The following POLM variants were observed in gnomAD, a reference collection of about 807,000 sequenced individuals.
POLM encodes the protein DNA polymerase mu, also known as DNA-directed DNA/RNA polymerase mu.
In POLM, 52 loss-of-function variants were observed where a neutral mutation model predicts 56.7. The observed-to-expected ratio is 0.92, with a 90% CI of 0.73 to 1.15. POLM has a LOEUF of 1.15. Ranked by LOEUF, POLM falls within the 50% of genes most tolerant of loss-of-function variation. The pLI, the probability that POLM is intolerant of heterozygous loss-of-function variation, is 0.00. For synonymous variants in POLM, 273 were observed against 274.3 expected (o/e 1.00, Z 0.05); for missense variants, 660 against 663.6 (o/e 0.99, Z 0.06).
chr7:44,074,861 CAA>C (rs2096179548), intron 6 of POLM, among the ~76,000 whole-genome samples: 1 of 152,222 alleles, frequency 6.6e-6, no homozygotes, highest in Non-Finnish European at 1.5e-5. Flanking sequence ...ATTTTGCAAC[CAA>C]ATATAAGGAT....
intron 6 of POLM, chr7:44,076,228 C>A: frequency 2.7e-6 from 1 of 367,936 alleles, no homozygotes; most frequent in Non-Finnish European, 5.1e-6. Flanking sequence ...GGGCAGTGTG[C>A]CCAAGGCCCA....
At chr7:44,079,372 C>T (rs2096192863) in intron 4 of POLM, among the ~76,000 whole-genome samples, 199 bp downstream of exon 4, 1 of 152,184 alleles carries the variant, frequency 6.6e-6, no homozygotes, top group Non-Finnish European at 1.5e-5. Context: ...TCACTGGGTC[C>T]TCTAGGCCAC....
chr7:44,081,664 C>T (rs1017541009), intron 1 of POLM, among the ~76,000 whole-genome samples: 1 of 151,716 alleles, frequency 6.6e-6, no homozygotes, highest in Non-Finnish European at 1.5e-5. Flanking sequence ...GAGGAGCCTG[C>T]GGGCTCCGGG....
At position 44,080,878 on chromosome 7, in the gene POLM, G is replaced by T; in HGVS notation, c.227C>A (p.Ala76Glu). 6.3e-7 allele frequency: 1 copy of T among 1,598,280 alleles called. No individual in the cohort carries two copies. Among genetic ancestry groups the T allele is most frequent in the South Asian group, 1.1e-5 (1 of 88,620 alleles). ...CTCCTGCCAGCTGACGGCCTCCTCT[G>T]CTGAGGTCTCTTCCATCACAACATG... is the stretch of plus-strand genomic sequence containing the variant. ...ATHVVMEETSAEEAVSWQERR... is the reference protein window; with the variant it reads ...ATHVVMEETSEEEAVSWQERR... The change falls in exon 2 of 11, where the codon GCA (alanine) becomes GAA (glutamate). Residue 76 changes from alanine (A) to glutamate (E), a missense_variant. Physicochemically the swap from Ala to Glu is moderately radical, Grantham distance 107. Coordinates refer to ENST00000242248, the MANE Select transcript of POLM (RefSeq NM_013284.4).
intron 6 of POLM, 40 bp from the exon 7 acceptor site, chr7:44,074,570 C>A (rs1466001793): frequency 1.3e-6 from 2 of 1,509,230 alleles, no homozygotes; most frequent in African/African-American, 1.4e-5. Context: ...CCCAGCCTGC[C>A]CACCACACCG....
chr7:44,080,453 CTTGG>C, intron 2 of POLM: 1 of 624,384 alleles, frequency 1.6e-6, no homozygotes, highest in Non-Finnish European at 3.0e-6. Flanking sequence ...GTGTCATCTA[CTTGG>C]TGAGGAAGAA....
chr7:44,078,672 G>A lies in POLM; in HGVS notation c.714+68C>T, dbSNP rs749121521. ...GCCCCTGTTTGCCTCCCCGTGCATG[G>A]TGTGGACTGTGTTGTCATTCCCAGG... On this transcript the variant is annotated intron_variant, in intron 5 of 10. Coordinates refer to ENST00000242248, the MANE Select transcript of POLM (RefSeq NM_013284.4). 5 of 1,414,332 alleles carry A rather than the reference G, an allele frequency of 3.5e-6. No individual in the cohort carries two copies. The East Asian group carries it at 9.1e-5, about 26-fold the overall frequency. 87.6% of individuals were successfully genotyped at this position (1,414,332 alleles called of 1,614,324 possible). A position where few individuals can be genotyped will look rare whatever the true frequency, so the allele number is the denominator to read the frequency against.
At position 44,082,381 on chromosome 7, in the gene POLM, AGGAAGCGGCATCGCCGCTAGG is replaced by A; in HGVS notation, c.37_57del (p.Pro13_Ser19del). 6.5e-7 allele frequency: 1 copy of A among 1,532,406 alleles called. No homozygotes were observed. The allele number at this position is 1,532,406 out of a possible 1,614,324, so 94.9% of individuals were successfully genotyped here. On this transcript the variant is annotated inframe_deletion, in exon 1 of 11. Coordinates refer to ENST00000242248, the MANE Select transcript of POLM (RefSeq NM_013284.4). ...GGGAAGCGCGTCGAGGGCGGCGTGG[AGGAAGCGGCATCGCCGCTAGG>A]GGACCCGACCCGCGCTCGCCGCCGT...
Position 44,082,444 on chromosome 7 carries a change from C to G in POLM, c.-6G>C, listed in dbSNP as rs749656836. 7.1e-7 allele frequency: 1 copy of G among 1,415,652 alleles called. No homozygotes were observed. Among genetic ancestry groups the G allele is most frequent in the African/African-American group, 1.5e-5 (1 of 66,208 alleles). The allele number at this position is 1,415,652 out of a possible 1,614,324, so 87.7% of individuals were successfully genotyped here. ...CGCCGCCGTTTGGGGAGCATTGGGA[C>G]GACAGCCTCCAGCAGCGCGGAGCGA... is the stretch of plus-strand genomic sequence containing the variant. On this transcript the variant is annotated 5_prime_UTR_variant, in exon 1 of 11. Coordinates refer to ENST00000242248, the MANE Select transcript of POLM (RefSeq NM_013284.4).
At chr7:44,073,575 G>C (rs560232591) in intron 10 of POLM, 50 bp downstream of exon 10, 2 of 1,609,118 alleles carry the variant, frequency 1.2e-6, no homozygotes, top group African/African-American at 2.7e-5. Flanking sequence ...TTGTGGGTCA[G>C]GGAGCGGACT....
intron 10 of POLM, 57 bp downstream of exon 10, chr7:44,073,568 T>C (rs2096174383): frequency 1.2e-6 from 2 of 1,607,220 alleles, no homozygotes. Context: ...TTTCAGATTG[T>C]GGGTCAGGGA....
intron 7 of POLM, 46 bp from the exon 8 acceptor site, chr7:44,074,279 CT>C: frequency 6.5e-7 from 1 of 1,545,408 alleles, no homozygotes; most frequent in Non-Finnish European, 8.8e-7. Flanking sequence ...GGCCTGCTCA[CT>C]CCAGCCCCAG....
At position 44,082,303 on chromosome 7, in the gene POLM, A is replaced by G; in HGVS notation, c.136T>C (p.Phe46Leu). Residue 46 changes from phenylalanine (F) to leucine (L), a missense_variant, in exon 1 of 11, where the codon TTC becomes CTC. By Grantham distance (22) the Phe-to-Leu change is conservative. Coordinates refer to ENST00000242248, the MANE Select transcript of POLM (RefSeq NM_013284.4). Reference protein sequence around the residue: ...EPRMGRSRRAFLTGLARSKGF... With the variant: ...EPRMGRSRRALLTGLARSKGF... The stretch of plus-strand genomic sequence containing the variant: ...TTGGAGCGCGCCAGGCCTGTGAGGA[A>G]GGCCCGGCGGCTGCGACCCATGCGA... 1 of 1,554,398 alleles carries G rather than the reference A, an allele frequency of 6.4e-7. No homozygotes were observed. The highest frequency in any genetic ancestry group is 8.6e-7 in the Non-Finnish European group (1 of 1,157,400).
intron 2 of POLM, chr7:44,080,273 T>C (rs1010674481): frequency 5.7e-6 from 3 of 528,206 alleles, no homozygotes; most frequent in Admixed American, 5.1e-5. Context: ...CTGGGGATGC[T>C]GAGGCCTTGG....
chr7:44,076,224 T>C, intron 6 of POLM: 1 of 356,140 alleles, frequency 2.8e-6, no homozygotes, highest in Non-Finnish European at 5.3e-6. Flanking sequence ...CACTGGGCAG[T>C]GTGCCCAAGG....
In POLM at chr7:44,073,384, C is replaced by T. The variant is rs774037721; in HGVS notation, c.1399-7G>A. On this transcript the variant is annotated splice_region_variant and splice_polypyrimidine_tract_variant and intron_variant, in intron 10 of 10. Transcript: ENST00000242248. ...CCGCTTGGAAAAATGTCTTCTGCAA[C>T]AGAAGCAGGACTTCCGTGACCTAGG... The T allele has an allele frequency of 6.2e-7, 1 of 1,613,310 alleles. No individual in the cohort carries two copies. Among genetic ancestry groups the T allele is most frequent in the Non-Finnish European group, 8.5e-7 (1 of 1,179,746 alleles).
In POLM at chr7:44,074,383, G is replaced by A. The variant is rs371084765; in HGVS notation, c.968+15C>T. ...GTCTGAAGCCAAGCCAGAGGGGCAC[G>A]TCGGGCCTTCTTACCTGCGGAAGCC... On this transcript the variant is annotated intron_variant, in intron 7 of 10. Coordinates refer to ENST00000242248, the MANE Select transcript of POLM (RefSeq NM_013284.4). The A allele has an allele frequency of 2.3e-4, 350 of 1,552,756 alleles. No individual in the cohort carries two copies. Among genetic ancestry groups the A allele is most frequent in the Middle Eastern group, 1.0e-3 (6 of 5,776 alleles).
intron 9 of POLM, 26 bp from the exon 10 acceptor site, chr7:44,073,734 A>G (rs752600644): frequency 6.2e-7 from 1 of 1,614,102 alleles, no homozygotes; most frequent in South Asian, 1.1e-5. Flanking sequence ...TGTCCTCAGC[A>G]GGGCTGGCCC....
intron 10 of POLM, 73 bp downstream of exon 10, chr7:44,073,552 G>A: frequency 1.2e-6 from 2 of 1,605,478 alleles, no homozygotes; most frequent in Non-Finnish European, 1.7e-6. Context: ...GAGGGGTCTG[G>A]GGCCATTTCA....
Sources: allele counts gnomAD v4.1 joint callset (sites outside exome capture counted in the v4.1 genomes callset), GRCh38; gene constraint gnomAD v4.1.1; transcripts MANE v1.5; gene names NCBI Gene and HGNC (gene_info 2026-07-23, HGNC 2026-07-21).